CADPS2: variants seen among roughly 807,000 people sequenced by gnomAD.
CADPS2 encodes calcium dependent secretion activator 2, also known as calcium-dependent secretion activator 2.
CADPS2 carries 93 observed loss-of-function variants against 172.5 expected under a neutral mutation model. The ratio of observed to expected loss-of-function variants is 0.54; its 90% CI spans 0.46 to 0.64. The LOEUF (loss-of-function observed/expected upper bound fraction) is 0.64. Among genes scored for constraint, CADPS2 ranks in the 30% least tolerant of loss-of-function variants. The pLI is 0.00. For synonymous variants in CADPS2, 546 were observed against 555.2 expected (o/e 0.98, Z 0.23); for missense variants, 1,420 against 1,565.9 (o/e 0.91, Z 1.57).
intron 3 of CADPS2, among the ~76,000 whole-genome samples, chr7:122,638,543 G>C (rs1359452628): frequency 1.3e-5 from 2 of 152,150 alleles, no homozygotes; most frequent in East Asian, 3.9e-4. Context: ...TTCTGTCAGG[G>C]CCATGGCACC....
chr7:122,695,371 C>G (rs1219668634), intron 2 of CADPS2, among the ~76,000 whole-genome samples: 1 of 152,130 alleles, frequency 6.6e-6, no homozygotes, highest in Non-Finnish European at 1.5e-5. Flanking sequence ...GTTTGCATCA[C>G]TAGGTACAAG....
chr7:122,521,925 A>T (rs1359901733), intron 8 of CADPS2, among the ~76,000 whole-genome samples: 1 of 152,106 alleles, frequency 6.6e-6, no homozygotes, highest in Admixed American at 6.6e-5. Context: ...GTAACAGTTT[A>T]AAACAGTTTA....
intron 1 of CADPS2, among the ~76,000 whole-genome samples, chr7:122,769,181 C>T (rs1246480198): frequency 1.3e-5 from 2 of 152,176 alleles, no homozygotes; most frequent in African/African-American, 2.4e-5. Flanking sequence ...ATGATTATCA[C>T]ATAAGAAGAC....
intron 10 of CADPS2, 53 bp from the exon 11 acceptor site, chr7:122,490,334 T>C: frequency 6.7e-7 from 1 of 1,490,176 alleles, no homozygotes; most frequent in Admixed American, 1.7e-5. Context: ...TGGCAGATTT[T>C]CGTCTCATTC....
intron 28 of CADPS2, among the ~76,000 whole-genome samples, chr7:122,344,745 G>T (rs968255008): frequency 2.6e-5 from 4 of 152,158 alleles, no homozygotes; most frequent in African/African-American, 4.8e-5. Context: ...AAAGGCAAGT[G>T]AAAAGATGCT....
intron 2 of CADPS2, chr7:122,701,835 A>G: frequency 6.4e-7 from 1 of 1,568,362 alleles, no homozygotes; most frequent in Non-Finnish European, 8.6e-7. Context: ...CAGATTTCTT[A>G]AGTTTTCAGG....
chr7:122,478,216 A>G (rs1222284925), intron 12 of CADPS2, among the ~76,000 whole-genome samples: 1 of 152,238 alleles, frequency 6.6e-6, no homozygotes, highest in Admixed American at 6.5e-5. Flanking sequence ...CATTATGGTG[A>G]CTAGTTTTAA....
At chr7:122,586,426 T>C (rs763092562) in intron 6 of CADPS2, among the ~76,000 whole-genome samples, 11 of 151,974 alleles carry the variant, frequency 7.2e-5, no homozygotes, top group East Asian at 1.9e-4. Flanking sequence ...TGAAAGTCGA[T>C]AGTGATATGA....
At chr7:122,636,490 G>A (rs2077080061) in intron 3 of CADPS2, among the ~76,000 whole-genome samples, 1 of 135,938 alleles carries the variant, frequency 7.4e-6, no homozygotes, top group Non-Finnish European at 1.5e-5. Context: ...TTTTGAGATG[G>A]AGTCTCACTC....
At chr7:122,363,548 T>A (rs77574085) in intron 25 of CADPS2, among the ~76,000 whole-genome samples, 8,671 of 127,016 alleles carry the variant, frequency 0.068, 892 homozygotes, top group Middle Eastern at 0.081. Context: ...ATGAATTTAC[T>A]TCTTGGCTCA....
At chr7:122,837,414 G>C (rs1437791737) in intron 1 of CADPS2, among the ~76,000 whole-genome samples, 1 of 152,048 alleles carries the variant, frequency 6.6e-6, no homozygotes, top group Admixed American at 6.6e-5. Flanking sequence ...CAGAAGGCAA[G>C]AAATAACTAA....
intron 2 of CADPS2, among the ~76,000 whole-genome samples, chr7:122,735,382 C>A (rs970952323): frequency 2.0e-5 from 3 of 152,048 alleles, no homozygotes; most frequent in Admixed American, 2.0e-4. Flanking sequence ...TAAATTTGTG[C>A]ACTTTTTTTA....
At chr7:122,446,600 T>C (rs2052245790) in intron 15 of CADPS2, among the ~76,000 whole-genome samples, 1 of 152,218 alleles carries the variant, frequency 6.6e-6, no homozygotes, top group South Asian at 2.1e-4. Context: ...AAGCCTTTCC[T>C]GTGGTTCTTT....
chr7:122,718,601 G>A (rs1319104188), intron 2 of CADPS2, among the ~76,000 whole-genome samples: 2 of 152,096 alleles, frequency 1.3e-5, no homozygotes, highest in Admixed American at 6.6e-5. Context: ...TAACAGTCTA[G>A]TGAGTGTAAC....
At chr7:122,722,935 T>C (rs930749692) in intron 2 of CADPS2, among the ~76,000 whole-genome samples, 2 of 151,980 alleles carry the variant, frequency 1.3e-5, no homozygotes, top group African/African-American at 2.4e-5. Flanking sequence ...GGGTAAACGA[T>C]TCCCTATTTA....
chr7:122,331,124 T>C (rs2034868642), intron 28 of CADPS2: 1 of 151,948 alleles, frequency 6.6e-6, no homozygotes, highest in African/African-American at 2.4e-5. Context: ...TAAAGAAAAA[T>C]CATCTAGAGT....
intron 8 of CADPS2, among the ~76,000 whole-genome samples, chr7:122,547,991 G>C (rs1462845776): frequency 1.3e-5 from 2 of 152,124 alleles, no homozygotes; most frequent in Non-Finnish European, 2.9e-5. Flanking sequence ...TGAATGTCTT[G>C]AGTGTGATGG....
intron 8 of CADPS2, among the ~76,000 whole-genome samples, chr7:122,527,153 C>T (rs530232613): frequency 6.6e-6 from 1 of 151,738 alleles, no homozygotes; most frequent in African/African-American, 2.4e-5. Flanking sequence ...AGAATATTAC[C>T]CTGAATTTTA....
intron 25 of CADPS2, among the ~76,000 whole-genome samples, chr7:122,361,627 T>C (rs2040164775): frequency 1.3e-5 from 2 of 152,296 alleles, no homozygotes; most frequent in Admixed American, 1.3e-4. Flanking sequence ...TAAACAATCT[T>C]AGGTCCATGA....
Sources: gnomAD v4.1 joint callset for allele counts (sites outside exome capture counted in the v4.1 genomes callset) on GRCh38, gnomAD v4.1.1 for gene constraint, MANE v1.5 for transcripts, NCBI Gene and HGNC (gene_info 2026-07-23, HGNC 2026-07-21) for gene names.